NRXN3: variants seen among roughly 807,000 people sequenced by gnomAD.
NRXN3 encodes neurexin 3.
NRXN3 carries 32 observed loss-of-function variants against 137.6 expected under a neutral mutation model. That is an observed-to-expected ratio of 0.23 (90% CI 0.18 to 0.31). The LOEUF is 0.31. NRXN3 is among the 10% of genes least tolerant of loss of function. The pLI, the probability that NRXN3 is intolerant of heterozygous loss-of-function variation, is 1.00. For missense variants in NRXN3, 1,574 were observed against 2,062.5 expected, an observed-to-expected ratio of 0.76 and a Z score of 4.59; for synonymous variants, 798 against 784.5, an observed-to-expected ratio of 1.02 and a Z score of -0.29.
chr14:79,362,283 A>G (rs1038832316), intron 15 of NRXN3, among the ~76,000 whole-genome samples: 5 of 151,748 alleles, frequency 3.3e-5, no homozygotes, highest in African/African-American at 1.2e-4. Flanking sequence ...ATATCTCCTA[A>G]TGCTATCCCT....
intron 16 of NRXN3, among the ~76,000 whole-genome samples, chr14:79,506,661 AT>A (rs2096881625): frequency 6.6e-6 from 1 of 152,038 alleles, no homozygotes; most frequent in South Asian, 2.1e-4. Context: ...GCAGCATTGA[AT>A]TTCATTTTTT....
Position 78,438,832 on chromosome 14 carries a change from G to A in NRXN3, c.757+140972G>A, listed in dbSNP as rs573220313. 9.9e-5 allele frequency among the ~76,000 whole-genome samples: 15 copies of A among 152,158 alleles called. No homozygotes were observed. The East Asian group carries it at 2.9e-3, about 30-fold the overall frequency. ...GTGTTGGAGAGGCTGAAAGAAAGAA[G>A]GATTTCAATGAGAGGGTTGTCAGCA... On this transcript the variant is annotated intron_variant, in intron 4 of 20. Coordinates refer to ENST00000335750, the MANE Select transcript of NRXN3 (RefSeq NM_001330195.2).
chr14:78,611,410 C>T (rs926221057), intron 4 of NRXN3, among the ~76,000 whole-genome samples: 4 of 151,034 alleles, frequency 2.6e-5, no homozygotes, highest in African/African-American at 9.7e-5. Flanking sequence ...CTTTTTTGTA[C>T]TTCCTTTCCC....
At chr14:78,746,884 G>A (rs1176157079) in intron 8 of NRXN3, among the ~76,000 whole-genome samples, 1 of 152,210 alleles carries the variant, frequency 6.6e-6, no homozygotes, top group Non-Finnish European at 1.5e-5. Flanking sequence ...TTAAGACTAT[G>A]ATGAAAAGAC....
At chr14:79,781,462 A>AATTAAT (rs1217267793) in intron 19 of NRXN3, among the ~76,000 whole-genome samples, 1 of 152,246 alleles carries the variant, frequency 6.6e-6, no homozygotes. Flanking sequence ...TAATTTCAGC[A>AATTAAT]TTCATTCCCT....
chr14:79,123,156 G>A (rs2055748523), intron 15 of NRXN3, among the ~76,000 whole-genome samples: 1 of 152,062 alleles, frequency 6.6e-6, no homozygotes, highest in African/African-American at 2.4e-5. Context: ...CCAAGCCTCT[G>A]GTTGACTCCT....
At chr14:79,508,864 A>G (rs1015372628) in intron 16 of NRXN3, among the ~76,000 whole-genome samples, 1 of 152,146 alleles carries the variant, frequency 6.6e-6, no homozygotes, top group African/African-American at 2.4e-5. Context: ...CTAAAGAAAT[A>G]GTCCAAAATT....
chr14:78,444,824 C>T (rs2094367272), intron 4 of NRXN3, among the ~76,000 whole-genome samples: 1 of 143,806 alleles, frequency 7.0e-6, no homozygotes, highest in Admixed American at 7.5e-5. Flanking sequence ...GAGGCTGAGG[C>T]AGAAGAACCA....
rs1453480487 is a variant in NRXN3, at chr14:78,399,098, A to G, written c.757+101238A>G. Among the ~76,000 whole-genome samples the G allele has an allele frequency of 4.6e-5, 7 of 152,186 alleles. No homozygotes were observed. The South Asian group carries it at 1.0e-3, about 23-fold the overall frequency. On this transcript the variant is annotated intron_variant, in intron 4 of 20. Transcript: ENST00000335750. ...CTATGGGGCTTTTTGTCACATTACC[A>G]ATTTATTCAATACTTAGTCTGAGAT...
At chr14:79,720,166 A>T (rs2098839403) in intron 19 of NRXN3, among the ~76,000 whole-genome samples, 1 of 152,034 alleles carries the variant, frequency 6.6e-6, no homozygotes, top group South Asian at 2.1e-4. Context: ...GGCAAAGGGG[A>T]AGAAAGACAC....
At chr14:79,379,160 A>T (rs955405611) in intron 15 of NRXN3, among the ~76,000 whole-genome samples, 4 of 152,026 alleles carry the variant, frequency 2.6e-5, no homozygotes, top group Admixed American at 1.3e-4. Context: ...TGTTTTTTCC[A>T]GGAAAAAATT....
At chr14:78,295,885 G>A (rs1481015454) in intron 3 of NRXN3, among the ~76,000 whole-genome samples, 4 of 152,008 alleles carry the variant, frequency 2.6e-5, no homozygotes, top group East Asian at 1.9e-4. Context: ...AAATATTCAC[G>A]TGGGTCAAAT....
intron 15 of NRXN3, among the ~76,000 whole-genome samples, chr14:79,068,464 C>A (rs1255863553): frequency 6.6e-6 from 1 of 152,026 alleles, no homozygotes; most frequent in Non-Finnish European, 1.5e-5. Flanking sequence ...ATTCTCTAGA[C>A]CATGCCTGCT....
intron 15 of NRXN3, among the ~76,000 whole-genome samples, chr14:79,442,164 T>A (rs2095974977): frequency 1.3e-5 from 2 of 152,222 alleles, no homozygotes; most frequent in Admixed American, 6.5e-5. Flanking sequence ...ATAATACTAA[T>A]GCTAATAAAA....
intron 19 of NRXN3, among the ~76,000 whole-genome samples, chr14:79,744,590 G>A (rs1033838670): frequency 2.0e-5 from 3 of 152,228 alleles, no homozygotes; most frequent in South Asian, 4.1e-4. Context: ...TCAACGCTTC[G>A]CTTGCTTCTA....
chr14:79,819,571 G>C (rs113329143), intron 20 of NRXN3, among the ~76,000 whole-genome samples: 1 of 124,356 alleles, frequency 8.0e-6, no homozygotes, highest in Non-Finnish European at 1.6e-5. Flanking sequence ...TACAACCTCC[G>C]CCTCCCAGGT....
chr14:78,343,515 A>C (rs1268131514), intron 4 of NRXN3, among the ~76,000 whole-genome samples: 2 of 152,206 alleles, frequency 1.3e-5, no homozygotes, highest in African/African-American at 4.8e-5. Flanking sequence ...CTATCTTTAG[A>C]GTACTTTCAA....
intron 4 of NRXN3, among the ~76,000 whole-genome samples, chr14:78,548,367 T>C (rs768983954): frequency 4.6e-5 from 7 of 152,180 alleles, no homozygotes; most frequent in Non-Finnish European, 1.0e-4. Context: ...ATAGGTTGGA[T>C]CATTTCCCAT....
intron 4 of NRXN3, among the ~76,000 whole-genome samples, chr14:78,421,223 AT>A (rs2093429047): frequency 6.6e-6 from 1 of 151,068 alleles, no homozygotes; most frequent in Admixed American, 6.6e-5. Context: ...AGATTGTGCC[AT>A]TGCACTCTAG....
Sources: allele counts gnomAD v4.1 joint callset (sites outside exome capture counted in the v4.1 genomes callset), GRCh38; gene constraint gnomAD v4.1.1; transcripts MANE v1.5; gene names NCBI Gene and HGNC (gene_info 2026-07-23, HGNC 2026-07-21).